Variants in GDPD5 observed in about 807,000 individuals in gnomAD.
GDPD5 encodes glycerophosphodiester phosphodiesterase domain containing 5, also known as glycerophosphodiester phosphodiesterase 2.
A neutral mutation model predicts 75.1 loss-of-function variants in GDPD5; 48 were observed. That is an observed-to-expected ratio of 0.64 (90% CI 0.51 to 0.81). GDPD5 has a LOEUF of 0.81. GDPD5 is among the 40% of genes least tolerant of loss of function. The pLI is 0.00. For missense variants in GDPD5, 706 were observed against 822.6 expected (o/e 0.86, Z 1.73); for synonymous variants, 336 against 339.0 (o/e 0.99, Z 0.10).
Position 75,450,930 on chromosome 11 carries a change from C to T in GDPD5, c.376-947G>A, listed in dbSNP as rs143317224. ...CCCCCTAGTTTCTCCAGACTCGTCT[C>T]CCATCTCCCTCCAAAGGCCTGTCCT... On this transcript the variant is annotated intron_variant, in intron 6 of 16. Transcript: ENST00000336898. The T allele has an allele frequency of 5.7e-3, 871 of 152,674 alleles. 3 individuals are homozygous for T. The highest frequency in any genetic ancestry group is 9.3e-3 in the Non-Finnish European group (638 of 68,336). 9.5% of individuals were successfully genotyped at this position (152,674 alleles called of 1,614,324 possible). A position where few individuals can be genotyped will look rare whatever the true frequency, so the allele number is the denominator to read the frequency against.
chr11:75,462,666 G>A (rs1949439123), intron 4 of GDPD5, 120 bp downstream of exon 4: 2 of 716,366 alleles, frequency 2.8e-6, no homozygotes, highest in Non-Finnish European at 4.9e-6. Flanking sequence ...CACACAGAGA[G>A]CTGGTGGCAG....
chr11:75,462,922 G>A, intron 3 of GDPD5, 33 bp from the exon 4 acceptor site: 1 of 1,565,692 alleles, frequency 6.4e-7, no homozygotes, highest in Non-Finnish European at 8.8e-7. Context: ...GATTAAGTGG[G>A]TCAGGGGCCA....
intron 1 of GDPD5, among the ~76,000 whole-genome samples, chr11:75,494,753 A>C (rs1238600555): frequency 6.6e-6 from 1 of 150,670 alleles, no homozygotes; most frequent in Non-Finnish European, 1.5e-5. Flanking sequence ...GGAGTTCGAG[A>C]CCAGCCTGGC....
intron 1 of GDPD5, among the ~76,000 whole-genome samples, chr11:75,502,236 C>G (rs966895522): frequency 6.6e-6 from 1 of 152,236 alleles, no homozygotes; most frequent in African/African-American, 2.4e-5. Flanking sequence ...TCCAGGGACT[C>G]CCTTCTCCAG....
chr11:75,462,746 C>T (rs1227901546), intron 4 of GDPD5, 40 bp downstream of exon 4: 2 of 1,507,612 alleles, frequency 1.3e-6, no homozygotes, highest in Non-Finnish European at 1.8e-6. Context: ...GGATACCCAG[C>T]TCTGGGCCCC....
intron 9 of GDPD5, chr11:75,448,463 C>A (rs1357080814): frequency 1.0e-5 from 10 of 985,426 alleles, no homozygotes; most frequent in Non-Finnish European, 1.2e-5. Context: ...CTAACTCAGG[C>A]AACATGGCTC....
intron 3 of GDPD5, among the ~76,000 whole-genome samples, chr11:75,468,745 A>C (rs1421246024): frequency 1.3e-5 from 2 of 151,038 alleles, no homozygotes; most frequent in Admixed American, 1.3e-4. Flanking sequence ...TGGTTCTCTG[A>C]TACCACACAG....
intron 9 of GDPD5, among the ~76,000 whole-genome samples, chr11:75,444,875 C>G (rs1440437673): frequency 6.6e-6 from 1 of 152,084 alleles, no homozygotes; most frequent in Non-Finnish European, 1.5e-5. Flanking sequence ...CTGTGGCTCT[C>G]TGGCAGTCTT....
chr11:75,457,540 A>G (rs1327571537), intron 5 of GDPD5, among the ~76,000 whole-genome samples, 153 bp downstream of exon 5: 1 of 152,244 alleles, frequency 6.6e-6, no homozygotes, highest in Non-Finnish European at 1.5e-5. Flanking sequence ...ATTTTTGATT[A>G]CTTCCTTAGG....
chr11:75,508,160 C>A lies in GDPD5; in HGVS notation c.-145+17050G>T, dbSNP rs1950442948. ...TACATGGTCCCAGGGGAAAGGTCAA[C>A]AAATACCTGGGTAATTTTGAAGTCC... is the stretch of plus-strand genomic sequence containing the variant. On this transcript the variant is annotated intron_variant, in intron 1 of 16. Transcript: ENST00000336898. The A allele has an allele frequency of 3.9e-5, 6 of 152,206 alleles. No individual in the cohort carries two copies. The South Asian group carries it at 1.2e-3, about 31-fold the overall frequency. 9.4% of individuals were successfully genotyped at this position (152,206 alleles called of 1,614,324 possible).
intron 15 of GDPD5, chr11:75,439,385 G>C (rs960068548): frequency 4.4e-6 from 2 of 456,448 alleles, no homozygotes; most frequent in Non-Finnish European, 8.8e-6. Context: ...GCAGAGAGAG[G>C]GGGAGGGGGA....
Position 75,435,717 on chromosome 11 carries a change from C to T in GDPD5, c.1670-62G>A, listed in dbSNP as rs569209623. ...AGGAGGCAGTCGTGAGGATGGGTGA[C>T]AGATGGGGCAGGAAGGCTGCACCAC... On this transcript the variant is annotated intron_variant, in intron 16 of 16. Transcript: ENST00000336898. 5.3e-6 allele frequency: 8 copies of T among 1,520,500 alleles called. No homozygotes were observed. The African/African-American group carries it at 8.2e-5, about 16-fold the overall frequency. The allele number at this position is 1,520,500 out of a possible 1,614,324, so 94.2% of individuals were successfully genotyped here.
intron 3 of GDPD5, among the ~76,000 whole-genome samples, chr11:75,476,908 C>G (rs555322663): frequency 1.5e-4 from 23 of 152,274 alleles, no homozygotes; most frequent in African/African-American, 4.8e-4. Context: ...CCTGCCACCC[C>G]CTGGCCACTC....
chr11:75,488,874 C>T (rs1950059907), intron 2 of GDPD5, among the ~76,000 whole-genome samples: 1 of 152,188 alleles, frequency 6.6e-6, no homozygotes, highest in South Asian at 2.1e-4. Context: ...ATCCACTTGG[C>T]CAAGCTTTTC....
chr11:75,475,513 C>G (rs747556637), intron 3 of GDPD5, among the ~76,000 whole-genome samples: 1 of 152,186 alleles, frequency 6.6e-6, no homozygotes, highest in Non-Finnish European at 1.5e-5. Context: ...CCAGCCCCAC[C>G]GCTGCCCTCA....
chr11:75,497,456 C>T (rs1348550519), intron 1 of GDPD5, among the ~76,000 whole-genome samples: 1 of 152,178 alleles, frequency 6.6e-6, no homozygotes, highest in Non-Finnish European at 1.5e-5. Context: ...ACCTCCCCAA[C>T]CTAGCCACTC....
Position 75,446,330 on chromosome 11 carries a change from C to T in GDPD5, c.715-1835G>A, listed in dbSNP as rs1464556427. Among the ~76,000 whole-genome samples, 3 of 148,168 alleles carry T rather than the reference C, an allele frequency of 2.0e-5. No homozygotes were observed. The South Asian group carries it at 6.6e-4, about 32-fold the overall frequency. On this transcript the variant is annotated intron_variant, in intron 9 of 16. Coordinates refer to ENST00000336898, the MANE Select transcript of GDPD5 (RefSeq NM_030792.8). ...ATATGGAAACCTGGCCCTCCCTGGC[C>T]AGGCTCAGGACTCCAGGAAGGCCCC...
chr11:75,521,233 G>A (rs992868591), intron 1 of GDPD5, among the ~76,000 whole-genome samples: 3 of 152,184 alleles, frequency 2.0e-5, no homozygotes, highest in African/African-American at 7.2e-5. Context: ...TCCTTCCTGG[G>A]CCCCATGCTC....
Position 75,435,606 on chromosome 11 carries a change from G to T in GDPD5, c.1719C>A (p.Asp573Glu). Reference sequence around the variant, plus strand: ...TGTTGGCATATGTGTCATAACTGTTGTCTGAACATACGGAGAGCACATCGG... The same window carrying T: ...TGTTGGCATATGTGTCATAACTGTTTTCTGAACATACGGAGAGCACATCGG... The part of the protein sequence containing the change: ...EVSDVLSVCS[D>E]NSYDTYANST... The change falls in exon 17 of 17, where the codon GAC becomes GAA. Residue 573 changes from aspartate (D) to glutamate (E), a missense_variant. Coordinates refer to ENST00000336898, the MANE Select transcript of GDPD5 (RefSeq NM_030792.8). The T allele has an allele frequency of 1.2e-6, 2 of 1,613,716 alleles. No homozygotes were observed. The highest frequency in any genetic ancestry group is 2.2e-5 in the South Asian group (2 of 91,066).
Sources: allele counts gnomAD v4.1 joint callset (sites outside exome capture counted in the v4.1 genomes callset), GRCh38; gene constraint gnomAD v4.1.1; transcripts MANE v1.5; gene names NCBI Gene and HGNC (gene_info 2026-07-23, HGNC 2026-07-21).